WDR45B: variants seen among roughly 807,000 people sequenced by gnomAD.
WDR45B encodes WD repeat domain 45B.
A neutral mutation model predicts 44.6 loss-of-function variants in WDR45B; 20 were observed. The ratio of observed to expected loss-of-function variants is 0.45; its 90% confidence interval spans 0.32 to 0.65. WDR45B has a LOEUF of 0.65. Among genes scored for constraint, WDR45B ranks in the 30% least tolerant of loss-of-function variants. The pLI, the probability that WDR45B is intolerant of heterozygous loss-of-function variation, is 0.05. For synonymous variants in WDR45B, 169 were observed against 164.9 expected (o/e 1.02, Z -0.19); for missense variants, 323 against 430.2 (o/e 0.75, Z 2.20).
At chr17:82,619,847 G>T (rs1266336747) in intron 6 of WDR45B, among the ~76,000 whole-genome samples, 1 of 152,176 alleles carries the variant, frequency 6.6e-6, no homozygotes, top group Non-Finnish European at 1.5e-5. Context: ...GCAGCCTCAC[G>T]GGGTGACTGC....
At chr17:82,644,078 A>G (rs2045948854) in intron 1 of WDR45B, 55 bp from the exon 2 acceptor site, 1 of 1,567,298 alleles carries the variant, frequency 6.4e-7, no homozygotes, top group Non-Finnish European at 8.8e-7. Flanking sequence ...TGGTTAAAAG[A>G]AAGAGGTCTG....
At chr17:82,625,003 T>A (rs950553196) in intron 5 of WDR45B, among the ~76,000 whole-genome samples, 1 of 152,186 alleles carries the variant, frequency 6.6e-6, no homozygotes, top group South Asian at 2.1e-4. Context: ...TAAAAAGATA[T>A]GAAGATGGTA....
At chr17:82,646,784 T>C (rs1026287670) in intron 1 of WDR45B, among the ~76,000 whole-genome samples, 1 of 152,130 alleles carries the variant, frequency 6.6e-6, no homozygotes, top group African/African-American at 2.4e-5. Context: ...GAAACCACCC[T>C]CTGAGAAGGC....
intron 2 of WDR45B, among the ~76,000 whole-genome samples, chr17:82,635,084 C>T (rs1185939907): frequency 1.3e-5 from 2 of 151,928 alleles, no homozygotes; most frequent in African/African-American, 4.9e-5. Context: ...GTCCGTTTAA[C>T]AACAATGTGA....
At chr17:82,648,242 C>T (rs1281692995) in intron 1 of WDR45B, 32 bp downstream of exon 1, 8 of 1,594,190 alleles carry the variant, frequency 5.0e-6, no homozygotes, top group Non-Finnish European at 6.8e-6. Context: ...GAAGGCCCGG[C>T]CGGGCAAGGC....
chr17:82,645,938 C>A (rs1002435993), intron 1 of WDR45B, among the ~76,000 whole-genome samples: 1 of 151,544 alleles, frequency 6.6e-6, no homozygotes, highest in Non-Finnish European at 1.5e-5. Flanking sequence ...CTGGCTAACA[C>A]GGTGAAACCC....
intron 1 of WDR45B, chr17:82,644,748 G>A (rs1346544467): frequency 6.6e-6 from 1 of 152,640 alleles, no homozygotes; most frequent in Non-Finnish European, 1.5e-5. Context: ...CTATGAAGCT[G>A]TGGCTGGAAA....
chr17:82,618,859 A>G (rs2045574584), intron 7 of WDR45B, among the ~76,000 whole-genome samples, 184 bp downstream of exon 7: 1 of 152,210 alleles, frequency 6.6e-6, no homozygotes, highest in Admixed American at 6.5e-5. Flanking sequence ...TCCCACGATA[A>G]AAACTTAAAG....
chr17:82,624,518 C>T (rs1241768901), intron 5 of WDR45B, among the ~76,000 whole-genome samples: 1 of 152,168 alleles, frequency 6.6e-6, no homozygotes, highest in Non-Finnish European at 1.5e-5. Context: ...CCTTGGCCTC[C>T]TAAAGTGCTG....
At chr17:82,648,165 G>A in intron 1 of WDR45B, 109 bp downstream of exon 1, 2 of 1,295,320 alleles carry the variant, frequency 1.5e-6, no homozygotes, top group East Asian at 2.9e-5. Context: ...CCGGGGTCCC[G>A]GGTGGAAGGC....
In WDR45B at chr17:82,628,299, C is replaced by T. The variant is rs556664404; in HGVS notation, c.245-1008G>A. Among the ~76,000 whole-genome samples, 3 of 152,324 alleles carry T rather than the reference C, an allele frequency of 2.0e-5. No individual in the cohort carries two copies. In the South Asian group the frequency reaches 6.2e-4, roughly 32 times the overall value. ...TGAGCCACTGCACCCAGCCCCTGCT[C>T]CTTTTTAAGTTCAAAATTTCTTCTG... On this transcript the variant is annotated intron_variant, in intron 3 of 9. Coordinates refer to ENST00000392325, the MANE Select transcript of WDR45B (RefSeq NM_019613.4).
At chr17:82,630,577 C>T (rs2045754323) in intron 3 of WDR45B, among the ~76,000 whole-genome samples, 1 of 152,164 alleles carries the variant, frequency 6.6e-6, no homozygotes, top group African/African-American at 2.4e-5. Flanking sequence ...AACTAATGTT[C>T]CTTTAAGTCA....
chr17:82,618,308 G>A (rs1598258139), intron 7 of WDR45B, among the ~76,000 whole-genome samples: 1 of 152,212 alleles, frequency 6.6e-6, no homozygotes, highest in East Asian at 1.9e-4. Context: ...CCTCCTGGCC[G>A]TGGCCACAGG....
Position 82,630,941 on chromosome 17 carries a change from G to C in WDR45B, c.224C>G (p.Pro75Arg). 1 of 1,612,476 alleles carries C rather than the reference G, an allele frequency of 6.2e-7. No homozygotes were observed. Among genetic ancestry groups the C allele is most frequent in the Non-Finnish European group, 8.5e-7 (1 of 1,179,974 alleles). ...AGTACCTTTGTTGGGAGGGTATTTC[G>C]GCTTTTTTCCACCACCAACTAAAGC... is the stretch of plus-strand genomic sequence containing the variant. The part of the protein sequence containing the change: ...YLALVGGGKK[P>R]KYPPNKVMIW... Residue 75 changes from proline to arginine, a missense_variant, in exon 3 of 10, where the codon CCG (proline) becomes CGG (arginine). Pro to Arg is a moderately radical substitution (Grantham distance 103). Transcript: ENST00000392325.
intron 4 of WDR45B, among the ~76,000 whole-genome samples, chr17:82,626,166 C>A (rs1231211732): frequency 6.6e-6 from 1 of 151,666 alleles, no homozygotes; most frequent in Admixed American, 6.6e-5. Context: ...CAGGCATGAG[C>A]CACGGTGCCC....
intron 1 of WDR45B, among the ~76,000 whole-genome samples, chr17:82,646,441 C>G (rs1340445128): frequency 7.8e-6 from 1 of 128,502 alleles, no homozygotes; most frequent in South Asian, 2.6e-4. Flanking sequence ...GAGCCTAGAA[C>G]GCGCCATTGC....
intron 8 of WDR45B, 92 bp from the exon 9 acceptor site, chr17:82,616,737 A>C: frequency 5.3e-6 from 8 of 1,499,036 alleles, no homozygotes; most frequent in East Asian, 2.3e-5. Flanking sequence ...AAATACGAAA[A>C]TGCTCCTTCA....
At chr17:82,630,886 G>T (rs368227806) in intron 3 of WDR45B, 35 bp downstream of exon 3, 1 of 1,581,936 alleles carries the variant, frequency 6.3e-7, no homozygotes, top group Non-Finnish European at 8.7e-7. Flanking sequence ...GGTGGGACAC[G>T]TGAGGCATGA....
chr17:82,631,820 G>A (rs1384088404), intron 2 of WDR45B, among the ~76,000 whole-genome samples: 17 of 151,900 alleles, frequency 1.1e-4, no homozygotes, highest in Admixed American at 1.1e-3. Flanking sequence ...CTCCAAGACA[G>A]CATACTAAAA....
Sources: allele counts gnomAD v4.1 joint callset (sites outside exome capture counted in the v4.1 genomes callset), GRCh38; gene constraint gnomAD v4.1.1; transcripts MANE v1.5; gene names NCBI Gene and HGNC (gene_info 2026-07-23, HGNC 2026-07-21).